The following PAPOLA variants were observed in gnomAD, a reference collection of about 807,000 sequenced individuals.
PAPOLA encodes the protein poly(A) polymerase alpha.
Under a neutral mutation model 100.6 loss-of-function variants are expected in PAPOLA, and 15 were observed. The ratio of observed to expected loss-of-function variants is 0.15; its 90% CI spans 0.10 to 0.23. PAPOLA has a LOEUF of 0.23. PAPOLA is among the 10% of genes least tolerant of loss of function. The pLI, the probability that PAPOLA is intolerant of heterozygous loss-of-function variation, is 1.00. For missense variants in PAPOLA, 533 were observed against 884.2 expected, an observed-to-expected ratio of 0.60 and a Z score of 5.04; for synonymous variants, 293 against 300.0, an observed-to-expected ratio of 0.98 and a Z score of 0.24.
intron 21 of PAPOLA, 131 bp downstream of exon 21, chr14:96,563,024 T>C (rs750273507): frequency 1.7e-6 from 1 of 573,060 alleles, no homozygotes; most frequent in Non-Finnish European, 3.0e-6. Flanking sequence ...TGCTAGCCTA[T>C]AAACGTATTT....
Position 96,555,880 on chromosome 14 carries a change from A to G in PAPOLA, c.1698A>G (p.Ala566=). 6.2e-7 allele frequency: 1 copy of G among 1,609,342 alleles called. No individual in the cohort carries two copies. ...RNSPAPAVTA[A]SVTNIQATEV... is the part of the protein sequence containing the mutation. ...GTCCTGCTCCAGCTGTAACAGCAGC[A>G]TCTGTGACCAACATACAGGCTACTG... The change falls in exon 18 of 22, where the codon GCA becomes GCG. Residue 566 remains alanine, a synonymous_variant. Coordinates refer to ENST00000216277, the MANE Select transcript of PAPOLA (RefSeq NM_032632.5).
intron 20 of PAPOLA, among the ~76,000 whole-genome samples, chr14:96,561,895 CT>C (rs916484790): frequency 4.1e-5 from 6 of 146,920 alleles, no homozygotes; most frequent in African/African-American, 1.5e-4. Context: ...CTTCTTTGTC[CT>C]TTTTTTGGTT....
At position 96,509,437 on chromosome 14, in the gene PAPOLA, C is replaced by A. The variant is rs541378726; in HGVS notation, c.8+6837C>A. On this transcript the variant is annotated intron_variant, in intron 1 of 21. Transcript: ENST00000216277. ...AGTATTTACATAATAAAAATGTATA[C>A]AAAAGTATATAAACAAAAGTAACAT... Among the ~76,000 whole-genome samples, 8 of 152,118 alleles carry A rather than the reference C, an allele frequency of 5.3e-5. No individual in the cohort carries two copies. The East Asian group carries it at 1.5e-3, about 29-fold the overall frequency.
intron 14 of PAPOLA, among the ~76,000 whole-genome samples, chr14:96,543,175 T>A (rs1008564085): frequency 2.0e-5 from 3 of 152,174 alleles, no homozygotes; most frequent in Non-Finnish European, 2.9e-5. Flanking sequence ...TAATACTGTC[T>A]TTACCATTCC....
At chr14:96,548,325 G>A (rs984741628) in intron 16 of PAPOLA, among the ~76,000 whole-genome samples, 1 of 151,860 alleles carries the variant, frequency 6.6e-6, no homozygotes, top group Non-Finnish European at 1.5e-5. Context: ...GCTTTTTTTG[G>A]TGAATGTAAA....
At chr14:96,528,481 A>G (rs1033311321) in intron 6 of PAPOLA, among the ~76,000 whole-genome samples, 4 of 152,230 alleles carry the variant, frequency 2.6e-5, no homozygotes, top group Non-Finnish European at 4.4e-5. Context: ...TGTGTAATTA[A>G]AGTGATGAGA....
At chr14:96,526,512 A>C (rs1391384113) in intron 4 of PAPOLA, 1 of 152,114 alleles carries the variant, frequency 6.6e-6, no homozygotes, top group African/African-American at 2.4e-5. Flanking sequence ...TTTTAATTTT[A>C]TTTTGGTAGA....
At chr14:96,505,519 G>A (rs1327925695) in intron 1 of PAPOLA, among the ~76,000 whole-genome samples, 1 of 152,202 alleles carries the variant, frequency 6.6e-6, no homozygotes, top group Non-Finnish European at 1.5e-5. Context: ...TGCATAGAAT[G>A]TTGTCAAAGT....
chr14:96,510,310 T>C lies in PAPOLA; in HGVS notation c.8+7710T>C, dbSNP rs74090354. Among the ~76,000 whole-genome samples, 1,217 of 152,282 alleles carry C rather than the reference T, an allele frequency of 8.0e-3. 25 individuals are homozygous for C. The highest frequency in any genetic ancestry group is 0.028 in the African/African-American group (1,156 of 41,542). Reference sequence around the variant, plus strand: ...AATCTTGACTATTTTCTGATACATTTTCACACTCTTTCGTACTTTTTCAGG... The same window carrying C: ...AATCTTGACTATTTTCTGATACATTCTCACACTCTTTCGTACTTTTTCAGG... On this transcript the variant is annotated intron_variant, in intron 1 of 21. Transcript: ENST00000216277.
At position 96,566,575 on chromosome 14, in the gene PAPOLA, T is replaced by C. The variant is rs185715535; in HGVS notation, c.*1525T>C. The C allele has an allele frequency of 1.2e-4, 18 of 152,694 alleles. No individual in the cohort carries two copies. In the East Asian group the frequency reaches 3.5e-3, roughly 29 times the overall value. The allele number at this position is 152,694 out of a possible 1,614,324, so 9.5% of individuals were successfully genotyped here. A position where few individuals can be genotyped will look rare whatever the true frequency, so the allele number is the denominator to read the frequency against. On this transcript the variant is annotated 3_prime_UTR_variant, in exon 22 of 22. Transcript: ENST00000216277. Reference sequence around the variant, plus strand: ...ATCCTTCTAAATTAATTTTCTGAAGTTGGAGTGTAGTCTTTTCCCCCTTAG... The same window carrying C: ...ATCCTTCTAAATTAATTTTCTGAAGCTGGAGTGTAGTCTTTTCCCCCTTAG...
chr14:96,513,882 G>A (rs1482487142), intron 1 of PAPOLA, among the ~76,000 whole-genome samples: 1 of 152,138 alleles, frequency 6.6e-6, no homozygotes, highest in Non-Finnish European at 1.5e-5. Flanking sequence ...ATATTTTGAT[G>A]TAAGTAAACC....
intron 11 of PAPOLA, 155 bp from the exon 12 acceptor site, chr14:96,536,821 A>G (rs925592830): frequency 3.6e-6 from 2 of 562,026 alleles, no homozygotes; most frequent in Non-Finnish European, 6.4e-6. Flanking sequence ...ATGTGTATAT[A>G]TATAAGAGTA....
chr14:96,549,096 G>A (rs1213525682), intron 16 of PAPOLA, among the ~76,000 whole-genome samples: 4 of 152,146 alleles, frequency 2.6e-5, no homozygotes, highest in African/African-American at 4.8e-5. Flanking sequence ...ATAAATACAT[G>A]TAAATGGTGG....
intron 1 of PAPOLA, among the ~76,000 whole-genome samples, chr14:96,517,806 C>T (rs539924981): frequency 8.6e-5 from 13 of 150,430 alleles, no homozygotes; most frequent in South Asian, 2.1e-4. Flanking sequence ...TGGGTTAGAG[C>T]GATGCTCCTG....
intron 3 of PAPOLA, among the ~76,000 whole-genome samples, chr14:96,523,027 A>G (rs1298334551): frequency 3.9e-5 from 6 of 152,222 alleles, no homozygotes; most frequent in Non-Finnish European, 8.8e-5. Flanking sequence ...TGCAGTGTAT[A>G]TGTATATTTC....
At chr14:96,536,113 G>T in intron 11 of PAPOLA, 114 bp downstream of exon 11, 1 of 753,198 alleles carries the variant, frequency 1.3e-6, no homozygotes, top group Non-Finnish European at 1.9e-6. Context: ...AGTGGATTTT[G>T]GTGTTCATTT....
chr14:96,502,708 CCG>C, intron 1 of PAPOLA, 108 bp downstream of exon 1: 1 of 1,260,252 alleles, frequency 7.9e-7, no homozygotes, highest in Non-Finnish European at 1.1e-6. Context: ...CCGACCCTCC[CCG>C]CTGGTAGGAG....
chr14:96,519,446 G>T (rs990854112), intron 1 of PAPOLA, among the ~76,000 whole-genome samples: 16 of 152,106 alleles, frequency 1.1e-4, no homozygotes, highest in Admixed American at 9.2e-4. Context: ...TACAAATTTG[G>T]AACTTATCTT....
At chr14:96,537,708 T>C (rs1899653516) in intron 12 of PAPOLA, 1 of 152,022 alleles carries the variant, frequency 6.6e-6, no homozygotes, top group Non-Finnish European at 1.5e-5. Context: ...TAATCTTATT[T>C]AAAAAACAGA....
Sources: gnomAD v4.1 joint callset for allele counts (sites outside exome capture counted in the v4.1 genomes callset) on GRCh38, gnomAD v4.1.1 for gene constraint, MANE v1.5 for transcripts, NCBI Gene and HGNC (gene_info 2026-07-23, HGNC 2026-07-21) for gene names.